AK8: variants seen among roughly 807,000 people sequenced by gnomAD.
AK8 encodes the protein ATP-AMP transphosphorylase 8.
Under a neutral mutation model 54.6 loss-of-function variants are expected in AK8, and 44 were observed. The ratio of observed to expected loss-of-function variants is 0.81; its 90% CI spans 0.63 to 1.04. The LOEUF (loss-of-function observed/expected upper bound fraction) is 1.04. AK8 is among the 50% of genes least tolerant of loss of function. The probability of loss-of-function intolerance (pLI) is 0.00; values close to 1 mark genes in which losing one functional copy is unlikely to be tolerated. For missense variants in AK8, 555 were observed against 613.6 expected, an observed-to-expected ratio of 0.90 and a Z score of 1.01; for synonymous variants, 239 against 245.6, an observed-to-expected ratio of 0.97 and a Z score of 0.25.
At position 132,779,491 on chromosome 9, in the gene AK8, G is replaced by A. The variant is rs56293156; in HGVS notation, c.1121+13143C>T. 5.4e-3 allele frequency among the ~76,000 whole-genome samples: 824 copies of A among 152,296 alleles called. 8 individuals are homozygous for A. The highest frequency in any genetic ancestry group is 0.027 in the Middle Eastern group (8 of 294). On this transcript the variant is annotated intron_variant, in intron 11 of 12. Transcript: ENST00000298545. Reference sequence around the variant, plus strand: ...TGTGCACCACCATGCGCGGCTTAGCGTGTAACTTGTTATGTGAGAACAGGC... The same window carrying A: ...TGTGCACCACCATGCGCGGCTTAGCATGTAACTTGTTATGTGAGAACAGGC...
chr9:132,821,524 C>A (rs943546383), intron 9 of AK8, among the ~76,000 whole-genome samples: 1 of 151,844 alleles, frequency 6.6e-6, no homozygotes, highest in Non-Finnish European at 1.5e-5. Context: ...ATCAAATTTG[C>A]AGAGTAATTG....
intron 9 of AK8, 103 bp from the exon 10 acceptor site, chr9:132,814,830 G>A: frequency 2.1e-6 from 2 of 970,976 alleles, no homozygotes; most frequent in Non-Finnish European, 3.0e-6. Flanking sequence ...AAAAAAAAAG[G>A]TCACTGAAAA....
chr9:132,811,643 C>A (rs972608661), intron 10 of AK8, among the ~76,000 whole-genome samples: 2 of 152,212 alleles, frequency 1.3e-5, no homozygotes, highest in Non-Finnish European at 2.9e-5. Context: ...AATACACTGG[C>A]AGTACCCAGA....
chr9:132,781,159 G>GTTTC lies in AK8; in HGVS notation c.1121+11471_1121+11474dup, dbSNP rs144212119. Among the ~76,000 whole-genome samples, 6 of 151,878 alleles carry GTTTC rather than the reference G, an allele frequency of 4.0e-5. No individual in the cohort carries two copies. The highest frequency in any genetic ancestry group is 1.2e-4 in the African/African-American group (5 of 41,450). On this transcript the variant is annotated intron_variant, in intron 11 of 12. Coordinates refer to ENST00000298545, the MANE Select transcript of AK8 (RefSeq NM_152572.3). This position sits in a 1 kb window ranked among gnomAD's most constrained non-coding sequence, Gnocchi z 4.6. ...CAGCCATGAACATAGTTCTTTCTTT[G>GTTTC]TTTCTTTCTTTCTTTCTTTTTTTTT...
intron 2 of AK8, among the ~76,000 whole-genome samples, chr9:132,867,638 G>A (rs1479827178): frequency 6.6e-6 from 1 of 152,226 alleles, no homozygotes; most frequent in African/African-American, 2.4e-5. Flanking sequence ...TCTGGTGGCA[G>A]GCCCAGGCCC....
chr9:132,826,711 G>T lies in AK8; in HGVS notation c.757+143C>A. ...ACATGCATTTCTGGGCAGGGAACCC[G>T]GGTCATCTATGTCTTGACTTCCAGG... On this transcript the variant is annotated intron_variant, in intron 8 of 12. Transcript: ENST00000298545. The surrounding 1 kb of genome is among the most constrained non-coding windows in gnomAD (Gnocchi z 4.5). 2.1e-6 allele frequency: 2 copies of T among 963,506 alleles called. No individual in the cohort carries two copies. The highest frequency in any genetic ancestry group is 3.1e-6 in the Non-Finnish European group (2 of 651,472). 59.7% of individuals were successfully genotyped at this position (963,506 alleles called of 1,614,324 possible).
In AK8 at chr9:132,790,871, T is replaced by C. The variant is rs1009572013; in HGVS notation, c.1121+1763A>G. Among the ~76,000 whole-genome samples, 3 of 152,124 alleles carry C rather than the reference T, an allele frequency of 2.0e-5. No individual in the cohort carries two copies. Among genetic ancestry groups the C allele is most frequent in the Non-Finnish European group, 1.5e-5 (1 of 68,030 alleles). On this transcript the variant is annotated intron_variant, in intron 11 of 12. Coordinates refer to ENST00000298545, the MANE Select transcript of AK8 (RefSeq NM_152572.3). This position sits in a 1 kb window ranked among gnomAD's most constrained non-coding sequence, Gnocchi z 4.1. ...AAATAAGTAAGCCAAAATCAATGTC[T>C]TTTGTATACTCTTGAAAAACCCCCT...
At chr9:132,741,313 C>T (rs913705) in intron 11 of AK8, among the ~76,000 whole-genome samples, 61,731 of 152,108 alleles carry the variant, frequency 0.41, 13,504 homozygotes, top group African/African-American at 0.56. Flanking sequence ...ACAAAGTTCC[C>T]GCATGCTCCT....
At chr9:132,738,294 C>G (rs1837212509) in intron 11 of AK8, among the ~76,000 whole-genome samples, 1 of 152,124 alleles carries the variant, frequency 6.6e-6, no homozygotes, top group Admixed American at 6.5e-5. Context: ...ACCTCGTGAT[C>G]TGCCCGCCTC....
chr9:132,800,476 C>G (rs1840392612), intron 10 of AK8, among the ~76,000 whole-genome samples: 1 of 152,186 alleles, frequency 6.6e-6, no homozygotes, highest in African/African-American at 2.4e-5. Context: ...GGTAAGGCCA[C>G]TGGATCTAGC....
At chr9:132,810,953 A>G (rs1840976752) in intron 10 of AK8, among the ~76,000 whole-genome samples, 1 of 152,206 alleles carries the variant, frequency 6.6e-6, no homozygotes, top group Non-Finnish European at 1.5e-5. Context: ...AGGACAAAAA[A>G]TTGCTTAACT....
At chr9:132,797,706 A>G (rs541619078) in intron 10 of AK8, among the ~76,000 whole-genome samples, 1 of 152,108 alleles carries the variant, frequency 6.6e-6, no homozygotes, top group Non-Finnish European at 1.5e-5. Context: ...TCCACTAAAA[A>G]TGTGATTTTT....
chr9:132,847,553 C>G (rs1842796454), intron 5 of AK8, among the ~76,000 whole-genome samples: 1 of 152,154 alleles, frequency 6.6e-6, no homozygotes, highest in Admixed American at 6.5e-5. Flanking sequence ...TCACAGACAG[C>G]CCCCACCCCT....
At chr9:132,810,346 C>T (rs1444771999) in intron 10 of AK8, among the ~76,000 whole-genome samples, 2 of 151,888 alleles carry the variant, frequency 1.3e-5, no homozygotes, top group African/African-American at 4.8e-5. Flanking sequence ...GGAATTGTGC[C>T]GTCAGCCTCC....
chr9:132,866,806 T>G (rs1469043112), intron 3 of AK8, 98 bp downstream of exon 3: 1 of 1,162,746 alleles, frequency 8.6e-7, no homozygotes, highest in Non-Finnish European at 1.3e-6. Context: ...GAAGAAAAGC[T>G]CAGTTATGCT....
At chr9:132,747,774 T>G (rs931945695) in intron 11 of AK8, among the ~76,000 whole-genome samples, 1 of 150,880 alleles carries the variant, frequency 6.6e-6, no homozygotes, top group Non-Finnish European at 1.5e-5. Context: ...TTAATTTTTT[T>G]TTTTACAATG....
At chr9:132,874,008 G>A (rs367991292) in intron 2 of AK8, among the ~76,000 whole-genome samples, 76 of 152,294 alleles carry the variant, frequency 5.0e-4, no homozygotes, top group African/African-American at 1.7e-3. Context: ...AATCAGACAC[G>A]GGGAAGGGGG....
intron 11 of AK8, among the ~76,000 whole-genome samples, chr9:132,760,808 T>C (rs147080785): frequency 4.4e-4 from 67 of 152,312 alleles, no homozygotes; most frequent in African/African-American, 1.6e-3. Flanking sequence ...ATCCAATGCT[T>C]TGTCTTCATC....
chr9:132,869,774 T>A (rs945962350), intron 2 of AK8, among the ~76,000 whole-genome samples: 1 of 152,046 alleles, frequency 6.6e-6, no homozygotes, highest in Non-Finnish European at 1.5e-5. Flanking sequence ...CGAGGTGAGA[T>A]GGGAGCCAGA....
Sources: allele counts gnomAD v4.1 joint callset (sites outside exome capture counted in the v4.1 genomes callset), GRCh38; gene constraint gnomAD v4.1.1; non-coding constraint Gnocchi (gnomAD v3.1); transcripts MANE v1.5; gene names NCBI Gene and HGNC (gene_info 2026-07-23, HGNC 2026-07-21).